The following GRIK1 variants were observed in gnomAD, a reference collection of about 807,000 sequenced individuals.
GRIK1 encodes the protein glutamate receptor ionotropic, kainate 1.
Under a neutral mutation model 105.7 loss-of-function variants are expected in GRIK1, and 69 were observed. The observed-to-expected ratio is 0.65, with a 90% CI of 0.54 to 0.80. The LOEUF (loss-of-function observed/expected upper bound fraction) is 0.80. Ranked by LOEUF, GRIK1 falls within the 30% of genes least tolerant of loss-of-function variation. The pLI, the probability that GRIK1 is intolerant of heterozygous loss-of-function variation, is 0.00. For synonymous variants in GRIK1, 438 were observed against 431.3 expected, an observed-to-expected ratio of 1.02 and a Z score of -0.19; for missense variants, 1,109 against 1,167.3, an observed-to-expected ratio of 0.95 and a Z score of 0.73.
At chr21:29,912,168 G>A (rs573776860) in intron 1 of GRIK1, among the ~76,000 whole-genome samples, 84 of 152,188 alleles carry the variant, frequency 5.5e-4, no homozygotes, top group Admixed American at 1.4e-3. Flanking sequence ...CACAAGCACT[G>A]CCATTATAAA....
intron 1 of GRIK1, among the ~76,000 whole-genome samples, chr21:29,897,557 A>G (rs1307093034): frequency 6.6e-6 from 1 of 152,168 alleles, no homozygotes; most frequent in African/African-American, 2.4e-5. Context: ...ATTTAGCTTT[A>G]TTATTAGAAA....
At chr21:29,858,862 G>T (rs979812839) in intron 1 of GRIK1, among the ~76,000 whole-genome samples, 2 of 151,534 alleles carry the variant, frequency 1.3e-5, no homozygotes, top group African/African-American at 4.8e-5. Flanking sequence ...CAACTTCTTT[G>T]CACACCTCCC....
intron 1 of GRIK1, among the ~76,000 whole-genome samples, chr21:29,814,772 G>A (rs980685777): frequency 1.3e-5 from 2 of 152,096 alleles, no homozygotes; most frequent in African/African-American, 2.4e-5. Flanking sequence ...GGATGTACAG[G>A]TATGCATTAG....
chr21:29,735,575 T>C lies in GRIK1; in HGVS notation c.119-41512A>G, dbSNP rs187448586. 8.0e-4 allele frequency among the ~76,000 whole-genome samples: 122 copies of C among 152,222 alleles called. 1 individual carries two copies. The highest frequency in any genetic ancestry group is 2.6e-3 in the African/African-American group (106 of 41,548). ...ACTAAGTAACCATATCATACTTGTA[T>C]GCAGGGTGAGTCTGTGTGTAACCAA... On this transcript the variant is annotated intron_variant, in intron 1 of 17. Transcript: ENST00000327783.
intron 12 of GRIK1, among the ~76,000 whole-genome samples, chr21:29,584,697 A>G (rs1025007928): frequency 6.6e-6 from 1 of 152,224 alleles, no homozygotes; most frequent in Non-Finnish European, 1.5e-5. Flanking sequence ...AATTCACAAC[A>G]TAAATTCCAA....
chr21:29,711,746 C>A (rs1004373444), intron 1 of GRIK1, among the ~76,000 whole-genome samples: 1 of 152,008 alleles, frequency 6.6e-6, no homozygotes, highest in African/African-American at 2.4e-5. Context: ...TGGGTATTTA[C>A]ATTTTTATTT....
At chr21:29,596,831 G>A (rs1001369457) in intron 8 of GRIK1, 1 of 486,090 alleles carries the variant, frequency 2.1e-6, no homozygotes, top group Admixed American at 3.3e-5. Context: ...GCCTTAAAGT[G>A]CTTTTCAATG....
chr21:29,756,298 G>C (rs543458630), intron 1 of GRIK1, among the ~76,000 whole-genome samples: 1 of 152,058 alleles, frequency 6.6e-6, no homozygotes, highest in Non-Finnish European at 1.5e-5. Context: ...GGAGAATGGC[G>C]TGAACCGGGG....
chr21:29,924,320 C>T (rs190947358), intron 1 of GRIK1, among the ~76,000 whole-genome samples: 1 of 139,654 alleles, frequency 7.2e-6, no homozygotes, highest in African/African-American at 2.7e-5. Context: ...CTGGGCAACA[C>T]AGTGAGACTG....
intron 7 of GRIK1, among the ~76,000 whole-genome samples, chr21:29,599,902 C>T (rs112934552): frequency 0.012 from 1,879 of 152,228 alleles, 43 homozygotes; most frequent in African/African-American, 0.043. Context: ...CTGGCTAACA[C>T]GGTGAAACCC....
At chr21:29,838,198 C>T (rs902571985) in intron 1 of GRIK1, among the ~76,000 whole-genome samples, 28 of 152,048 alleles carry the variant, frequency 1.8e-4, no homozygotes, top group African/African-American at 6.0e-4. Flanking sequence ...GATTCAGTAG[C>T]GAATATAGTA....
rs143830787 is a variant in GRIK1 at position 29,776,977 on chromosome 21, A to T, written c.119-82914T>A. ...ATACCAGAAGAAAATAAAGGGATCA[A>T]GTATCAAGAAAGGGAAGTACAAGAC... On this transcript the variant is annotated intron_variant, in intron 1 of 17. Coordinates refer to ENST00000327783, the MANE Select transcript of GRIK1 (RefSeq NM_001330994.2). 1.9e-4 allele frequency among the ~76,000 whole-genome samples: 29 copies of T among 152,336 alleles called. 1 individual carries two copies. In the East Asian group the frequency reaches 5.6e-3, roughly 29 times the overall value.
intron 7 of GRIK1, among the ~76,000 whole-genome samples, chr21:29,636,179 G>A (rs1359445982): frequency 1.3e-5 from 2 of 152,204 alleles, no homozygotes; most frequent in Non-Finnish European, 2.9e-5. Flanking sequence ...CATGTCACTA[G>A]TCTTCCAGAA....
chr21:29,764,752 G>T (rs867658799), intron 1 of GRIK1, among the ~76,000 whole-genome samples: 4 of 152,038 alleles, frequency 2.6e-5, no homozygotes, highest in Non-Finnish European at 5.9e-5. Context: ...AAAGGTACCT[G>T]CTCCTCACAA....
chr21:29,916,020 C>T (rs2070983167), intron 1 of GRIK1, among the ~76,000 whole-genome samples: 1 of 151,912 alleles, frequency 6.6e-6, no homozygotes, highest in African/African-American at 2.4e-5. Flanking sequence ...AAAAACTACT[C>T]TGTAAAAGGC....
intron 1 of GRIK1, among the ~76,000 whole-genome samples, chr21:29,887,378 A>T (rs1434746770): frequency 6.6e-6 from 1 of 152,210 alleles, no homozygotes; most frequent in East Asian, 1.9e-4. Context: ...ATTCCACTTC[A>T]ATCTGAGTTA....
intron 7 of GRIK1, among the ~76,000 whole-genome samples, chr21:29,599,786 C>G (rs1344160071): frequency 1.3e-5 from 2 of 151,318 alleles, no homozygotes; most frequent in African/African-American, 2.5e-5. Context: ...GAGCAAGACT[C>G]TGTCACAAAC....
chr21:29,560,282 T>TTCTTTCTTTCTTTCTTTC (rs55736912), intron 15 of GRIK1, among the ~76,000 whole-genome samples: 1 of 41,834 alleles, frequency 2.4e-5, no homozygotes, highest in African/African-American at 8.9e-5. Context: ...GATACAGTTT[T>TTCTTTCTTTCTTTCTTTC]CTTTCTTTCT....
At chr21:29,923,904 G>A (rs888387368) in intron 1 of GRIK1, among the ~76,000 whole-genome samples, 3 of 152,144 alleles carry the variant, frequency 2.0e-5, no homozygotes, top group Non-Finnish European at 4.4e-5. Context: ...ACCAGACCAA[G>A]ATATGCAAAG....
Sources: allele counts gnomAD v4.1 joint callset (sites outside exome capture counted in the v4.1 genomes callset), GRCh38; gene constraint gnomAD v4.1.1; transcripts MANE v1.5; gene names NCBI Gene and HGNC (gene_info 2026-07-23, HGNC 2026-07-21).